GSE1: variants seen among roughly 807,000 people sequenced by gnomAD.
GSE1 encodes Gse1 coiled-coil protein, also known as genetic suppressor element 1.
A neutral mutation model predicts 112.6 loss-of-function variants in GSE1; 32 were observed. The ratio of observed to expected loss-of-function variants is 0.28; its 90% CI spans 0.21 to 0.38. The LOEUF is 0.38. GSE1 is among the 10% of genes least tolerant of loss of function. The pLI is 1.00. For missense variants in GSE1, 2,348 were observed against 1,699.2 expected (o/e 1.38, Z -6.71); for synonymous variants, 1,115 against 735.6 (o/e 1.52, Z -8.35).
At chr16:85,547,346 A>G (rs951020006) in intron 2 of GSE1, among the ~76,000 whole-genome samples, 2 of 152,176 alleles carry the variant, frequency 1.3e-5, no homozygotes, top group Admixed American at 1.3e-4. Flanking sequence ...CAGCGGGGCC[A>G]TGCTCCCTCT....
intron 1 of GSE1, among the ~76,000 whole-genome samples, chr16:85,606,389 G>A (rs2047704467): frequency 6.6e-6 from 1 of 152,250 alleles, no homozygotes; most frequent in Non-Finnish European, 1.5e-5. Context: ...CATCCGTGCA[G>A]TGTAGTGATG....
upstream of GSE1, among the ~76,000 whole-genome samples, chr16:85,610,467 G>C (rs1469795647): frequency 6.6e-6 from 1 of 152,256 alleles, no homozygotes; most frequent in Non-Finnish European, 1.5e-5. Context: ...CCCAGTGCTG[G>C]GAAATTAGGA....
chr16:85,339,130 G>C (rs1428302096), intron 1 of GSE1, among the ~76,000 whole-genome samples: 2 of 152,182 alleles, frequency 1.3e-5, no homozygotes, highest in Non-Finnish European at 2.9e-5. Context: ...GGAGGTCACT[G>C]GGTCTGGTGT....
chr16:85,459,268 G>A (rs1006238985), intron 2 of GSE1, among the ~76,000 whole-genome samples: 1 of 152,196 alleles, frequency 6.6e-6, no homozygotes, highest in African/African-American at 2.4e-5. Flanking sequence ...CAGGAGTTGT[G>A]GGTGCCCCTC....
At chr16:85,630,307 G>C (rs1404439454) in intron 1 of GSE1, among the ~76,000 whole-genome samples, 1 of 152,172 alleles carries the variant, frequency 6.6e-6, no homozygotes. Context: ...AAGGGAATTG[G>C]TCTCTACCTC....
intron 1 of GSE1, among the ~76,000 whole-genome samples, chr16:85,206,953 T>C (rs1018320466): frequency 6.6e-6 from 1 of 151,876 alleles, no homozygotes; most frequent in Non-Finnish European, 1.5e-5. Context: ...AGAGAGACTG[T>C]TTACAGCCTC....
intron 1 of GSE1, among the ~76,000 whole-genome samples, chr16:85,187,334 C>G (rs1202331618): frequency 6.6e-6 from 1 of 152,256 alleles, no homozygotes; most frequent in Non-Finnish European, 1.5e-5. Context: ...AGGGACAGAG[C>G]GACGCTGGGC....
At chr16:85,602,805 G>C (rs758844239) in intron 1 of GSE1, among the ~76,000 whole-genome samples, 2 of 152,238 alleles carry the variant, frequency 1.3e-5, no homozygotes, top group Non-Finnish European at 2.9e-5. Flanking sequence ...TCAGCAGGTG[G>C]AAGTGTACTC....
At chr16:85,608,001 C>G (rs12444241), upstream of GSE1, among the ~76,000 whole-genome samples, 70 of 152,306 alleles carry the variant, frequency 4.6e-4, no homozygotes, top group Admixed American at 2.7e-3. Flanking sequence ...TTCCTCCCCC[C>G]CATGATTTCA....
intron 1 of GSE1, among the ~76,000 whole-genome samples, chr16:85,337,604 C>G (rs1220472769): frequency 1.3e-5 from 2 of 152,090 alleles, no homozygotes; most frequent in African/African-American, 4.8e-5. Context: ...CGCGCCCGGC[C>G]AGGCTCAGGA....
At position 85,339,412 on chromosome 16, in the gene GSE1, ACT is replaced by A. The variant is rs575207802; in HGVS notation, c.2284-18048_2284-18047del. The stretch of plus-strand genomic sequence containing the variant: ...GCGGTGCTGACGAGGCCCTGGCACG[ACT>A]CTGCCTGCTTGCTGCGCCCTTTCTA... On this transcript the variant is annotated intron_variant, in intron 1 of 2. Coordinates refer to the GSE1 transcript ENST00000637419. Among the ~76,000 whole-genome samples, 7 of 151,524 alleles carry A rather than the reference ACT, an allele frequency of 4.6e-5. No homozygotes were observed. In the South Asian group the frequency reaches 1.5e-3, roughly 32 times the overall value.
chr16:85,169,990 G>T (rs991894491), exon 1 of GSE1: 30 of 984,406 alleles, frequency 3.0e-5, no homozygotes, highest in East Asian at 1.1e-4. Flanking sequence ...CGAGGACGAC[G>T]GTGGCGGCCC....
intron 1 of GSE1, among the ~76,000 whole-genome samples, chr16:85,305,842 A>G (rs2045663691): frequency 6.6e-6 from 1 of 152,074 alleles, no homozygotes; most frequent in Non-Finnish European, 1.5e-5. Flanking sequence ...GTAGTCCCAG[A>G]ACTTTGGGAA....
At position 85,675,635 on chromosome 16, in the gene GSE1, G is replaced by A. The variant is rs1210485979; in HGVS notation, c.*3096G>A. The A allele has an allele frequency of 6.6e-6, 1 of 152,210 alleles. No homozygotes were observed. Among genetic ancestry groups the A allele is most frequent in the African/African-American group, 2.4e-5 (1 of 41,454 alleles). 9.4% of individuals were successfully genotyped at this position (152,210 alleles called of 1,614,324 possible). A position where few individuals can be genotyped will look rare whatever the true frequency, so the allele number is the denominator to read the frequency against. The stretch of plus-strand genomic sequence containing the variant: ...TGTAGCAGAATGGTATTTTCCTCAA[G>A]TAGCTCATAATACTGCCAAATCTCA... On this transcript the variant is annotated 3_prime_UTR_variant, in exon 16 of 16. Transcript: ENST00000253458.
At chr16:85,320,314 G>T (rs957110348) in intron 1 of GSE1, among the ~76,000 whole-genome samples, 2 of 152,172 alleles carry the variant, frequency 1.3e-5, no homozygotes, top group African/African-American at 4.8e-5. Context: ...TTTCGCTCAC[G>T]CAGAACACCA....
intron 13 of GSE1, 138 bp from the exon 14 acceptor site, chr16:85,668,002 C>T: frequency 1.5e-6 from 1 of 677,012 alleles, no homozygotes; most frequent in South Asian, 2.1e-5. Flanking sequence ...TCCCTCCTCT[C>T]TACGCGATGT....
chr16:85,374,517 AGTGTGTGCGTGTGT>A (rs2047375128), intron 2 of GSE1, among the ~76,000 whole-genome samples: 1 of 108,930 alleles, frequency 9.2e-6, no homozygotes, highest in African/African-American at 3.2e-5. Flanking sequence ...AATGTGTGTC[AGTGTGTGCGTGTGT>A]GTGTGTGTGT....
chr16:85,232,922 G>T (rs903030063), intron 1 of GSE1, among the ~76,000 whole-genome samples: 1 of 152,280 alleles, frequency 6.6e-6, no homozygotes, highest in Non-Finnish European at 1.5e-5. Flanking sequence ...CCAGGTGTGA[G>T]CGTGCAAAGT....
intron 2 of GSE1, among the ~76,000 whole-genome samples, chr16:85,529,129 C>T (rs1168035358): frequency 1.3e-5 from 2 of 152,026 alleles, no homozygotes; most frequent in Non-Finnish European, 2.9e-5. Context: ...GGGGGTCGGA[C>T]CGGGTTAGAC....
Sources: gnomAD v4.1 joint callset for allele counts (sites outside exome capture counted in the v4.1 genomes callset) on GRCh38, gnomAD v4.1.1 for gene constraint, MANE v1.5 for transcripts, NCBI Gene and HGNC (gene_info 2026-07-23, HGNC 2026-07-21) for gene names.